CNTNAP3: variants seen among roughly 807,000 people sequenced by gnomAD.
The protein encoded by CNTNAP3 is contactin-associated protein-like 3.
Under a neutral mutation model 92.1 loss-of-function variants are expected in CNTNAP3, and 36 were observed. The observed-to-expected ratio is 0.39, with a 90% CI of 0.30 to 0.52. CNTNAP3 has a LOEUF of 0.52. Ranked by LOEUF, CNTNAP3 falls within the 20% of genes least tolerant of loss-of-function variation. The pLI is 0.76. For synonymous variants in CNTNAP3, 232 were observed against 422.3 expected, an observed-to-expected ratio of 0.55 and a Z score of 5.53; for missense variants, 534 against 1,069.6, an observed-to-expected ratio of 0.50 and a Z score of 6.98.
chr9:39,092,164 T>C (rs1826218996), intron 18 of CNTNAP3, among the ~76,000 whole-genome samples: 2 of 146,384 alleles, frequency 1.4e-5, no homozygotes, highest in Non-Finnish European at 3.0e-5. Flanking sequence ...ACTAAAGGTT[T>C]GCCAATTTTG....
intron 12 of CNTNAP3, among the ~76,000 whole-genome samples, chr9:39,133,386 C>A (rs1821351899): frequency 6.6e-6 from 1 of 152,102 alleles, no homozygotes; most frequent in African/African-American, 2.4e-5. Context: ...ATCATGTAAG[C>A]AATGACTTTT....
At chr9:39,154,894 C>T (rs12347856) in intron 9 of CNTNAP3, 30,548 of 213,634 alleles carry the variant, frequency 0.14, 2,840 homozygotes, top group East Asian at 0.18. Flanking sequence ...GCAGATCAGG[C>T]GGCAAGATCA....
chr9:39,078,478 T>C (rs769081789), intron 22 of CNTNAP3, 22 bp from the exon 23 acceptor site: 4 of 1,612,094 alleles, frequency 2.5e-6, no homozygotes, highest in East Asian at 2.2e-5. Flanking sequence ...AAAGGGAGAA[T>C]GATGTTTATT....
chr9:39,099,575 C>A (rs1418975353), intron 18 of CNTNAP3, among the ~76,000 whole-genome samples: 2 of 152,020 alleles, frequency 1.3e-5, no homozygotes, highest in Non-Finnish European at 2.9e-5. Flanking sequence ...AAATTAAAAA[C>A]AAAAATAACA....
intron 16 of CNTNAP3, 74 bp from the exon 17 acceptor site, chr9:39,102,789 A>G: frequency 2.1e-6 from 2 of 968,182 alleles, no homozygotes. Context: ...ACAGGAAAAC[A>G]TGAAGGCACG....
chr9:39,105,785 G>A (rs144021708), intron 15 of CNTNAP3, among the ~76,000 whole-genome samples: 1 of 151,758 alleles, frequency 6.6e-6, no homozygotes, highest in East Asian at 1.9e-4. Context: ...AGATCTGCAG[G>A]CTATTTACTA....
At chr9:39,143,526 C>T (rs540009978) in intron 11 of CNTNAP3, among the ~76,000 whole-genome samples, 18 of 152,124 alleles carry the variant, frequency 1.2e-4, no homozygotes, top group Admixed American at 2.0e-4. Flanking sequence ...CTCTTTCTGT[C>T]CTCAACTCTG....
intron 18 of CNTNAP3, among the ~76,000 whole-genome samples, chr9:39,096,029 G>A (rs1826318156): frequency 6.6e-6 from 1 of 151,010 alleles, no homozygotes; most frequent in Non-Finnish European, 1.5e-5. Context: ...GTTACCATTT[G>A]GTGTCATTCC....
In CNTNAP3 at chr9:39,065,383, G is replaced by T. The variant is rs1206403170; in HGVS notation, c.*8507C>A. On this transcript the variant is annotated 3_prime_UTR_variant, in exon 24 of 24. Transcript: ENST00000297668. ...ATTGTTTGTCCATTTTCTTGTTGAA[G>T]GTCTTTTAGGCAGTTTACAGTTTGG... Among the ~76,000 whole-genome samples the T allele has an allele frequency of 6.6e-5, 10 of 152,316 alleles. No homozygotes were observed. Among genetic ancestry groups the T allele is most frequent in the African/African-American group, 2.2e-4 (9 of 41,536 alleles).
In CNTNAP3 at chr9:39,105,416, C is replaced by G. The variant is rs962727848; in HGVS notation, c.2366-1502G>C. Among the ~76,000 whole-genome samples, 146 of 152,180 alleles carry G rather than the reference C, an allele frequency of 9.6e-4. 2 individuals are homozygous for G. Among genetic ancestry groups the G allele is most frequent in the Admixed American group, 3.5e-3 (53 of 15,270 alleles). ...CACTCCAGCCTGGGTGACAGAGCAA[C>G]TCTCCATCTCAAAAACAAACAAACA... On this transcript the variant is annotated intron_variant, in intron 15 of 23. Transcript: ENST00000297668.
intron 10 of CNTNAP3, among the ~76,000 whole-genome samples, chr9:39,148,627 G>C (rs1444056799): frequency 6.6e-6 from 1 of 150,790 alleles, no homozygotes; most frequent in African/African-American, 2.4e-5. Context: ...CACGGTTCAC[G>C]CCATTCTCCT....
intron 15 of CNTNAP3, among the ~76,000 whole-genome samples, chr9:39,108,340 G>A: frequency 6.6e-6 from 1 of 151,538 alleles, no homozygotes; most frequent in East Asian, 1.9e-4. Context: ...CTACTTAGCT[G>A]CCTACACGAC....
At chr9:39,125,213 A>G (rs1284970469) in intron 13 of CNTNAP3, among the ~76,000 whole-genome samples, 1 of 152,136 alleles carries the variant, frequency 6.6e-6, no homozygotes, top group Non-Finnish European at 1.5e-5. Context: ...TTGTAGGGCC[A>G]TGGATGAAGC....
intron 12 of CNTNAP3, 125 bp downstream of exon 12, chr9:39,140,394 T>C (rs1292805774): frequency 7.1e-7 from 1 of 1,401,898 alleles, no homozygotes; most frequent in Non-Finnish European, 9.5e-7. Flanking sequence ...AATTAATAAA[T>C]ATATATTTAA....
intron 17 of CNTNAP3, 81 bp downstream of exon 17, chr9:39,102,416 C>T (rs1217509763): frequency 8.3e-6 from 13 of 1,562,170 alleles, no homozygotes; most frequent in Non-Finnish European, 8.7e-6. Flanking sequence ...AACTGTTGCT[C>T]TCAGTACATC....
intron 14 of CNTNAP3, among the ~76,000 whole-genome samples, chr9:39,117,213 A>G (rs1820879803): frequency 6.6e-6 from 1 of 151,894 alleles, no homozygotes; most frequent in African/African-American, 2.4e-5. Flanking sequence ...GCTGGTCTCA[A>G]CCTTCTGACC....
intron 13 of CNTNAP3, among the ~76,000 whole-genome samples, chr9:39,119,891 T>G (rs1297772914): frequency 6.6e-6 from 1 of 152,092 alleles, no homozygotes; most frequent in African/African-American, 2.4e-5. Context: ...TCACTGAACT[T>G]GAGGACCCAT....
At position 39,085,816 on chromosome 9, in the gene CNTNAP3, T is replaced by C; in HGVS notation, c.3362A>G (p.Gln1121Arg). 1.3e-6 allele frequency: 2 copies of C among 1,556,834 alleles called. No individual in the cohort carries two copies. The highest frequency in any genetic ancestry group is 1.8e-6 in the Non-Finnish European group (2 of 1,138,004). ...EEAVVMVEVN[Q>R]STKKQVILSS... ...CAAGATGACTTGTTTCTTTGTGCTC[T>C]GGTTAACCTATTAGATGTCCCATGA... The change falls in exon 21 of 24, where the codon CAG becomes CGG. Residue 1121 changes from glutamine (Q) to arginine (R), a missense_variant. Physicochemically the swap from Gln to Arg is conservative, Grantham distance 43. Transcript: ENST00000297668.
chr9:39,123,617 C>CA (rs1226330922), intron 13 of CNTNAP3, among the ~76,000 whole-genome samples: 6 of 151,744 alleles, frequency 4.0e-5, no homozygotes, highest in Non-Finnish European at 5.9e-5. Flanking sequence ...ATTCAAATTG[C>CA]AAAAAATTGA....
Sources: gnomAD v4.1 joint callset for allele counts (sites outside exome capture counted in the v4.1 genomes callset) on GRCh38, gnomAD v4.1.1 for gene constraint, MANE v1.5 for transcripts, NCBI Gene and HGNC (gene_info 2026-07-23, HGNC 2026-07-21) for gene names.